Variants in DISP1 observed in about 807,000 individuals in gnomAD.
DISP1 encodes the protein protein dispatched homolog 1.
A neutral mutation model predicts 37.3 loss-of-function variants in DISP1; 30 were observed. That is an observed-to-expected ratio of 0.80 (90% CI 0.60 to 1.09). The LOEUF is 1.09. Among genes scored for constraint, DISP1 ranks in the 50% least tolerant of loss-of-function variants. The pLI is 0.00. For synonymous variants in DISP1, 634 were observed against 690.2 expected (o/e 0.92, Z 1.28); for missense variants, 1,598 against 1,879.5 (o/e 0.85, Z 2.77).
chr1:222,859,846 T>C (rs1215813472), intron 1 of DISP1, among the ~76,000 whole-genome samples: 1 of 152,218 alleles, frequency 6.6e-6, no homozygotes, highest in African/African-American at 2.4e-5. Context: ...TTCTGGAATG[T>C]TGGGGAATAT....
Position 223,003,138 on chromosome 1 carries a change from T to C in DISP1, c.1741T>C (p.Trp581Arg), listed in dbSNP as rs753639222. 1 of 1,614,232 alleles carries C rather than the reference T, an allele frequency of 6.2e-7. No individual in the cohort carries two copies. The highest frequency in any genetic ancestry group is 8.5e-7 in the Non-Finnish European group (1 of 1,180,036). The change falls in exon 9 of 9, where the codon TGG (tryptophan) becomes CGG (arginine). Residue 581 changes from tryptophan to arginine, a missense_variant. Trp to Arg is a moderately radical substitution (Grantham distance 101). Coordinates refer to ENST00000675850, the MANE Select transcript of DISP1 (RefSeq NM_001377229.1). The surrounding 1 kb of genome is among the most constrained non-coding windows in gnomAD (Gnocchi z 4.3). ...ADDAFVLCDV[W>R]NYTKFDKPHA... is the part of the protein sequence containing the mutation. ...TGATGCTTTTGTCCTGTGTGATGTT[T>C]GGAACTACACAAAATTTGATAAGCC... is the stretch of plus-strand genomic sequence containing the variant.
chr1:222,922,487 C>T (rs1191777180), intron 1 of DISP1, among the ~76,000 whole-genome samples: 11 of 152,086 alleles, frequency 7.2e-5, no homozygotes, highest in Non-Finnish European at 4.4e-5. Flanking sequence ...GTGTAAAGGT[C>T]AAAGATGACT....
At chr1:222,979,317 G>C (rs1349418841) in intron 3 of DISP1, among the ~76,000 whole-genome samples, 2 of 152,170 alleles carry the variant, frequency 1.3e-5, no homozygotes, top group Non-Finnish European at 2.9e-5. Context: ...GGAGGCTGAG[G>C]TGGGAGGATT....
intron 3 of DISP1, chr1:222,943,555 TC>T: frequency 1.6e-6 from 1 of 612,968 alleles, no homozygotes; most frequent in Non-Finnish European, 2.8e-6. Context: ...CCTTCCCCTT[TC>T]CCTGTCTGCA....
At chr1:222,879,337 C>T (rs1367871791) in intron 1 of DISP1, among the ~76,000 whole-genome samples, 1 of 152,060 alleles carries the variant, frequency 6.6e-6, no homozygotes, top group Non-Finnish European at 1.5e-5. Flanking sequence ...CTATTTATCA[C>T]TCTTGGGAAT....
chr1:222,994,465 C>T (rs1047976931), intron 7 of DISP1, among the ~76,000 whole-genome samples: 2 of 152,216 alleles, frequency 1.3e-5, no homozygotes, highest in Non-Finnish European at 2.9e-5. Flanking sequence ...CATCTCTCCT[C>T]TCTAGTTAGC....
At chr1:222,834,476 A>G (rs1666522678) in intron 1 of DISP1, among the ~76,000 whole-genome samples, 2 of 152,188 alleles carry the variant, frequency 1.3e-5, no homozygotes, top group Admixed American at 1.3e-4. Flanking sequence ...TGGAGAAGCC[A>G]GAATAGGAGT....
intron 1 of DISP1, among the ~76,000 whole-genome samples, chr1:222,868,986 C>T (rs998253948): frequency 3.3e-5 from 5 of 152,160 alleles, no homozygotes; most frequent in South Asian, 2.1e-4. Context: ...CATGCAAAAA[C>T]AAAGTTAAGA....
chr1:222,851,661 TAAC>T (rs1210349447), intron 1 of DISP1, among the ~76,000 whole-genome samples: 2 of 152,196 alleles, frequency 1.3e-5, no homozygotes, highest in African/African-American at 4.8e-5. Flanking sequence ...TATTTATAAA[TAAC>T]AACTTTGTTT....
intron 3 of DISP1, among the ~76,000 whole-genome samples, chr1:222,947,972 C>T (rs756259368): frequency 6.6e-6 from 1 of 152,030 alleles, no homozygotes; most frequent in Non-Finnish European, 1.5e-5. Context: ...GTGGAATCTA[C>T]TAGATTTGGT....
intron 1 of DISP1, among the ~76,000 whole-genome samples, chr1:222,927,343 T>A (rs1033104793): frequency 6.6e-6 from 1 of 152,202 alleles, no homozygotes; most frequent in Non-Finnish European, 1.5e-5. Flanking sequence ...GCCATTTGTA[T>A]TTCTTCTTTA....
chr1:222,849,370 T>A (rs1448787105), intron 1 of DISP1, among the ~76,000 whole-genome samples: 1 of 152,146 alleles, frequency 6.6e-6, no homozygotes, highest in Admixed American at 6.5e-5. Context: ...ACTGAAACTC[T>A]GAGAAGAACG....
At chr1:222,865,476 A>T (rs1669130459) in intron 1 of DISP1, among the ~76,000 whole-genome samples, 1 of 152,198 alleles carries the variant, frequency 6.6e-6, no homozygotes. Context: ...GAAAAATCAG[A>T]ACATTTAAAG....
chr1:222,915,662 C>T (rs933627270), intron 1 of DISP1, among the ~76,000 whole-genome samples: 1 of 152,186 alleles, frequency 6.6e-6, no homozygotes, highest in African/African-American at 2.4e-5. Context: ...CCTTTTCTTT[C>T]ATCTTTCATT....
At chr1:222,891,811 G>GGT (rs944902168) in intron 1 of DISP1, among the ~76,000 whole-genome samples, 5 of 151,940 alleles carry the variant, frequency 3.3e-5, no homozygotes, top group East Asian at 3.9e-4. Context: ...CCAGGATTTG[G>GGT]GTGTGTGTGT....
intron 1 of DISP1, among the ~76,000 whole-genome samples, chr1:222,913,939 TA>T (rs34772615): frequency 0.19 from 26,745 of 142,928 alleles, 2,578 homozygotes; most frequent in East Asian, 0.3. Context: ...ACATTCTAAA[TA>T]AAAAAAAAAA....
chr1:222,879,903 T>A (rs1171548776), intron 1 of DISP1, among the ~76,000 whole-genome samples: 1 of 152,122 alleles, frequency 6.6e-6, no homozygotes, highest in Non-Finnish European at 1.5e-5. Flanking sequence ...CATTCATACA[T>A]TGCCTGTGGA....
chr1:222,968,112 G>GA (rs1676646986), intron 3 of DISP1, among the ~76,000 whole-genome samples: 1 of 152,100 alleles, frequency 6.6e-6, no homozygotes, highest in Admixed American at 6.5e-5. Context: ...GATACACTAG[G>GA]AAAAATGAAA....
intron 1 of DISP1, among the ~76,000 whole-genome samples, chr1:222,869,460 T>C (rs1431527644): frequency 1.3e-5 from 2 of 152,178 alleles, no homozygotes; most frequent in African/African-American, 4.8e-5. Context: ...AGTCAACTGC[T>C]CTTGTTATAA....
Sources: gnomAD v4.1 joint callset for allele counts (sites outside exome capture counted in the v4.1 genomes callset) on GRCh38, gnomAD v4.1.1 for gene constraint, Gnocchi (gnomAD v3.1) non-coding constraint, MANE v1.5 for transcripts, NCBI Gene and HGNC (gene_info 2026-07-23, HGNC 2026-07-21) for gene names.